Variants in CCDC40 observed in about 807,000 individuals in gnomAD.
CCDC40 encodes coiled-coil domain-containing protein 40.
A neutral mutation model predicts 124.5 loss-of-function variants in CCDC40; 104 were observed. The observed-to-expected ratio is 0.84, with a 90% CI of 0.71 to 0.98. The LOEUF is 0.98. Among genes scored for constraint, CCDC40 ranks in the 50% least tolerant of loss-of-function variants. CCDC40 has a pLI of 0.00. For synonymous variants in CCDC40, 580 were observed against 602.9 expected (o/e 0.96, Z 0.56); for missense variants, 1,463 against 1,503.9 (o/e 0.97, Z 0.45).
In CCDC40 at chr17:80,048,608, C is replaced by T; in HGVS notation, c.702C>T (p.Ala234=). The change falls in exon 5 of 20, where the codon GCC becomes GCT. Residue 234 remains alanine (A), a synonymous_variant. Transcript: ENST00000397545. ...TGATCCCCCCAGGGGTGCCCGATGC[C>T]CACCCCAGGGAAGGAGACCTGCCAG... ...EPVIPPGVPD[A]HPREGDLPVF... 1 of 1,613,768 alleles carries T rather than the reference C, an allele frequency of 6.2e-7. No individual in the cohort carries two copies.
In CCDC40 at chr17:80,043,206, T is replaced by C. The variant is rs139852551; in HGVS notation, c.552+2936T>C. Among the ~76,000 whole-genome samples, 712 of 152,362 alleles carry C rather than the reference T, an allele frequency of 4.7e-3. 2 individuals carry two copies. Among genetic ancestry groups the C allele is most frequent in the Middle Eastern group, 0.034 (10 of 294 alleles). Reference sequence around the variant, plus strand: ...CCCATTTAAACCAGCCTTTGTGTGATCGGACGCACCTCCATCCTTCTTTGA... The same window carrying C: ...CCCATTTAAACCAGCCTTTGTGTGACCGGACGCACCTCCATCCTTCTTTGA... On this transcript the variant is annotated intron_variant, in intron 3 of 19. Coordinates refer to ENST00000397545, the MANE Select transcript of CCDC40 (RefSeq NM_017950.4).
chr17:80,037,399 A>AT (rs1050727512), intron 1 of CCDC40, among the ~76,000 whole-genome samples: 5 of 151,830 alleles, frequency 3.3e-5, no homozygotes, highest in African/African-American at 9.7e-5. Flanking sequence ...GTATTGTTTC[A>AT]TTTTTTTAAA....
intron 10 of CCDC40, among the ~76,000 whole-genome samples, chr17:80,074,153 C>A (rs1265196459): frequency 1.3e-5 from 2 of 152,180 alleles, no homozygotes; most frequent in African/African-American, 4.8e-5. Context: ...CTAATGAACA[C>A]ACAAAAGAAA....
chr17:80,049,589 G>A (rs759715814), intron 5 of CCDC40, among the ~76,000 whole-genome samples: 2 of 152,112 alleles, frequency 1.3e-5, no homozygotes, highest in African/African-American at 2.4e-5. Context: ...AGAGCTCCAG[G>A]AACTGCCGGA....
Position 80,047,604 on chromosome 17 carries a change from C to T in CCDC40, c.676+202C>T, listed in dbSNP as rs78967608. On this transcript the variant is annotated intron_variant, in intron 4 of 19. Transcript: ENST00000397545. ...TATCTCATTTAATCCTAACAGTGAC[C>T]GATGAAGTAGGAATCCTTCTCCATT... 3,069 of 614,862 alleles carry T rather than the reference C, an allele frequency of 5.0e-3. 69 individuals carry two copies. In the African/African-American group the frequency reaches 0.051, roughly 10 times the overall value. 38.1% of individuals were successfully genotyped at this position (614,862 alleles called of 1,614,324 possible).
At chr17:80,068,145 T>G (rs1164321972) in intron 10 of CCDC40, 1 of 216,784 alleles carries the variant, frequency 4.6e-6, no homozygotes, top group African/African-American at 2.4e-5. Flanking sequence ...GCGATTCTCC[T>G]GCCTCAGCCT....
rs1268204450 is a variant in CCDC40 at position 80,099,734 on chromosome 17, C to G, written c.3388C>G (p.Gln1130Glu). 1 of 1,613,628 alleles carries G rather than the reference C, an allele frequency of 6.2e-7. No individual in the cohort carries two copies. Among genetic ancestry groups the G allele is most frequent in the South Asian group, 1.1e-5 (1 of 91,086 alleles). The part of the protein sequence containing the change: ...QFQEALHKVS[Q>E]MIANKLESPG... The stretch of plus-strand genomic sequence containing the variant: ...CCAGGAGGCCCTGCACAAGGTCAGC[C>G]AGATGATCGCCAACAAGCTCGAGTC... The change falls in exon 20 of 20, where the codon CAG becomes GAG. Residue 1130 changes from glutamine to glutamate, a missense_variant. Physicochemically the swap from Gln to Glu is conservative, Grantham distance 29. Coordinates refer to ENST00000397545, the MANE Select transcript of CCDC40 (RefSeq NM_017950.4).
chr17:80,087,941 A>G lies in CCDC40; in HGVS notation c.2620-70A>G, dbSNP rs2038622753. 1.5e-6 allele frequency: 2 copies of G among 1,337,634 alleles called. No individual in the cohort carries two copies. The highest frequency in any genetic ancestry group is 2.3e-5 in the East Asian group (1 of 43,646). 82.9% of individuals were successfully genotyped at this position (1,337,634 alleles called of 1,614,324 possible). On this transcript the variant is annotated intron_variant, in intron 15 of 19. Coordinates refer to ENST00000397545, the MANE Select transcript of CCDC40 (RefSeq NM_017950.4). The surrounding 1 kb of genome is among the most constrained non-coding windows in gnomAD (Gnocchi z 4.5). ...AGCCCTGCCCTCGGTGCCGGGATAG[A>G]GGGCACCAGCCCCGGCATCCACAAT...
At chr17:80,083,387 G>A (rs1288921143) in intron 12 of CCDC40, among the ~76,000 whole-genome samples, 7 of 152,326 alleles carry the variant, frequency 4.6e-5, no homozygotes, top group Admixed American at 3.3e-4. Flanking sequence ...CTGGGAAGCC[G>A]CCCGTGGTGG....
intron 3 of CCDC40, 32 bp downstream of exon 3, chr17:80,040,302 T>C: frequency 1.3e-6 from 2 of 1,599,344 alleles, no homozygotes; most frequent in Non-Finnish European, 1.7e-6. Context: ...TTTGTGCCAG[T>C]GTCGCACGGC....
In CCDC40 at chr17:80,059,117, G is replaced by A. The variant is rs574155209; in HGVS notation, c.1440+137G>A. ...CAGCCAGCTTACATCTGCAAACATC[G>A]GGCCCTCCCCATGGTGGGGCCACAG... On this transcript the variant is annotated intron_variant, in intron 9 of 19. Transcript: ENST00000397545. 20 of 1,106,084 alleles carry A rather than the reference G, an allele frequency of 1.8e-5. No homozygotes were observed. The East Asian group carries it at 2.9e-4, about 16-fold the overall frequency. The allele number at this position is 1,106,084 out of a possible 1,614,324, so 68.5% of individuals were successfully genotyped here. A position where few individuals can be genotyped will look rare whatever the true frequency, so the allele number is the denominator to read the frequency against.
At chr17:80,094,897 A>C (rs946147947) in intron 17 of CCDC40, among the ~76,000 whole-genome samples, 1 of 152,140 alleles carries the variant, frequency 6.6e-6, no homozygotes, top group Admixed American at 6.5e-5. Context: ...CTAAGAAATT[A>C]ACCTTCATGC....
chr17:80,099,748 C>A lies in CCDC40; in HGVS notation c.3402C>A (p.Asn1134Lys), dbSNP rs773760591. ...ALHKVSQMIA[N>K]KLESPGPS is the part of the protein sequence containing the mutation. ...ACAAGGTCAGCCAGATGATCGCCAA[C>A]AAGCTCGAGTCACCAGGGCCCTCCT... Residue 1134 changes from asparagine (N) to lysine (K), a missense_variant, in exon 20 of 20, where the codon AAC becomes AAA. Coordinates refer to ENST00000397545, the MANE Select transcript of CCDC40 (RefSeq NM_017950.4). 4 of 1,613,436 alleles carry A rather than the reference C, an allele frequency of 2.5e-6. No individual in the cohort carries two copies. The highest frequency in any genetic ancestry group is 3.4e-6 in the Non-Finnish European group (4 of 1,179,972).
In CCDC40 at chr17:80,088,180, A is replaced by T; in HGVS notation, c.2711+78A>T. 3 of 967,666 alleles carry T rather than the reference A, an allele frequency of 3.1e-6. No homozygotes were observed. The South Asian group carries it at 3.9e-5, about 13-fold the overall frequency. The allele number at this position is 967,666 out of a possible 1,614,324, so 59.9% of individuals were successfully genotyped here. On this transcript the variant is annotated intron_variant, in intron 16 of 19. Transcript: ENST00000397545. ...GGCCTCTGTCCGTTGAAGACCATGTAGGAGGCCAGGTGTGGCAGCTCACAC... is the reference window on the plus strand; with the variant it reads ...GGCCTCTGTCCGTTGAAGACCATGTTGGAGGCCAGGTGTGGCAGCTCACAC...
intron 17 of CCDC40, chr17:80,090,118 A>G: frequency 6.5e-7 from 1 of 1,536,304 alleles, no homozygotes; most frequent in South Asian, 1.2e-5. Flanking sequence ...CTTTTACCAC[A>G]CGCTTGCTTT....
Position 80,058,942 on chromosome 17 carries a change from G to A in CCDC40, c.1402G>A (p.Ala468Thr), listed in dbSNP as rs749694563. 4 of 1,614,176 alleles carry A rather than the reference G, an allele frequency of 2.5e-6. No individual in the cohort carries two copies. In the South Asian group the frequency reaches 4.4e-5, roughly 18 times the overall value. Residue 468 changes from alanine to threonine, a missense_variant, in exon 9 of 20, where the codon GCT becomes ACT. Physicochemically the swap from Ala to Thr is moderately conservative, Grantham distance 58. Coordinates refer to ENST00000397545, the MANE Select transcript of CCDC40 (RefSeq NM_017950.4). The surrounding 1 kb of genome is among the most constrained non-coding windows in gnomAD (Gnocchi z 4.2). ...GTTTGAGGCTCAGTACTTGGCCCAA[G>A]CTGAGGACACCCGGATTTTAAGGAA... is the stretch of plus-strand genomic sequence containing the variant. Reference protein sequence around the residue: ...ALFEAQYLAQAEDTRILRKAV... With the variant: ...ALFEAQYLAQTEDTRILRKAV...
intron 18 of CCDC40, among the ~76,000 whole-genome samples, chr17:80,095,681 A>G (rs2038798401): frequency 6.6e-6 from 1 of 152,202 alleles, no homozygotes; most frequent in South Asian, 2.1e-4. Context: ...GTGAGGATCC[A>G]GAGGCTGTTA....
intron 1 of CCDC40, among the ~76,000 whole-genome samples, chr17:80,037,688 A>AAAAAAAAAAATATAT: frequency 2.2e-5 from 1 of 45,678 alleles, no homozygotes; most frequent in African/African-American, 5.9e-5. Flanking sequence ...TTTTTTAAAA[A>AAAAAAAAAAATATAT]AGATATACAT....
chr17:80,097,770 C>A, intron 19 of CCDC40: 1 of 291,982 alleles, frequency 3.4e-6, no homozygotes, highest in South Asian at 3.4e-5. Context: ...CATGGTGGTA[C>A]ACACCTGTGG....
Sources: allele counts gnomAD v4.1 joint callset (sites outside exome capture counted in the v4.1 genomes callset), GRCh38; gene constraint gnomAD v4.1.1; non-coding constraint Gnocchi (gnomAD v3.1); transcripts MANE v1.5; gene names NCBI Gene and HGNC (gene_info 2026-07-23, HGNC 2026-07-21).